Variants in FRMPD4 observed in about 807,000 individuals in gnomAD.
The protein encoded by FRMPD4 is FERM and PDZ domain containing 4.
A neutral mutation model predicts 94.1 loss-of-function variants in FRMPD4; 22 were observed. The observed-to-expected ratio is 0.23, with a 90% confidence interval of 0.17 to 0.33. The LOEUF (loss-of-function observed/expected upper bound fraction) is 0.33, where lower values mean the gene tolerates loss of function less well. FRMPD4 is among the 10% of genes least tolerant of loss of function. The pLI, the probability that FRMPD4 is intolerant of heterozygous loss-of-function variation, is 1.00. For missense variants in FRMPD4, 1,111 were observed against 1,339.9 expected (o/e 0.83, Z 2.67); for synonymous variants, 631 against 548.6 (o/e 1.15, Z -2.10).
intron 3 of FRMPD4, among the ~76,000 whole-genome samples, chrX:11,929,856 C>T (rs1414326734): frequency 2.7e-5 from 3 of 110,087 alleles, no homozygotes; most frequent in Non-Finnish European, 1.9e-5. Context: ...ACCTGTAATC[C>T]CAACAGTTTG....
intron 2 of FRMPD4, among the ~76,000 whole-genome samples, chrX:12,520,602 C>CT (rs1357444893): frequency 3.6e-5 from 4 of 111,827 alleles, no homozygotes; most frequent in Non-Finnish European, 7.5e-5. Context: ...CATCAGGACT[C>CT]TGTTTCATCC....
chrX:12,135,760 A>C (rs779670417), upstream of FRMPD4, among the ~76,000 whole-genome samples: 4 of 111,338 alleles, frequency 3.6e-5, no homozygotes, highest in Non-Finnish European at 7.5e-5. Context: ...GAATAATTAG[A>C]TATTTGGTAT....
At chrX:12,058,105 T>C (rs751956479) in intron 3 of FRMPD4, among the ~76,000 whole-genome samples, 2 of 111,647 alleles carry the variant, frequency 1.8e-5, no homozygotes, top group Non-Finnish European at 3.8e-5. Context: ...TTGCAGAACA[T>C]GTAGTGGCCC....
intron 1 of FRMPD4, among the ~76,000 whole-genome samples, chrX:12,434,362 T>C (rs2057041379): frequency 8.9e-6 from 1 of 111,783 alleles, no homozygotes. Context: ...TCTCCACCTA[T>C]AAAGATTTTT....
At chrX:12,188,483 C>T (rs1371459872) in intron 1 of FRMPD4, among the ~76,000 whole-genome samples, 1 of 112,062 alleles carries the variant, frequency 8.9e-6, no homozygotes, top group Non-Finnish European at 1.9e-5. Flanking sequence ...GTCTAAAGAA[C>T]ATCTTGTCAG....
intron 1 of FRMPD4, among the ~76,000 whole-genome samples, chrX:12,190,793 A>G (rs774479857): frequency 9.0e-6 from 1 of 111,139 alleles, no homozygotes; most frequent in East Asian, 2.8e-4. Context: ...AAAAAGTTAT[A>G]AAACTCTTAG....
At chrX:12,217,033 T>G (rs1256311162) in intron 1 of FRMPD4, among the ~76,000 whole-genome samples, 1 of 112,032 alleles carries the variant, frequency 8.9e-6, no homozygotes, top group Non-Finnish European at 1.9e-5. Flanking sequence ...GGCACCTGGG[T>G]CAATGTGAAA....
intron 1 of FRMPD4, among the ~76,000 whole-genome samples, chrX:11,832,542 CAG>C (rs1042936517): frequency 2.7e-5 from 3 of 111,625 alleles, no homozygotes; most frequent in Non-Finnish European, 5.7e-5. Context: ...TGATATCAAA[CAG>C]AGCATAGAAA....
At chrX:12,181,580 C>T (rs919640423) in intron 1 of FRMPD4, among the ~76,000 whole-genome samples, 2 of 111,842 alleles carry the variant, frequency 1.8e-5, no homozygotes, top group African/African-American at 6.5e-5. Flanking sequence ...TGAAAGGTTC[C>T]AGGATAGGTC....
chrX:12,426,698 C>G (rs2056948409), intron 1 of FRMPD4, among the ~76,000 whole-genome samples: 1 of 111,146 alleles, frequency 9.0e-6, no homozygotes, highest in Non-Finnish European at 1.9e-5. Flanking sequence ...CTGATCTGCC[C>G]TTCCATAATC....
At chrX:12,539,237 A>C (rs146368137) in intron 2 of FRMPD4, among the ~76,000 whole-genome samples, 2,215 of 111,981 alleles carry the variant, frequency 0.02, 26 homozygotes, top group Non-Finnish European at 0.03. Flanking sequence ...AGTTTAGAGA[A>C]AAAAACAGTA....
intron 1 of FRMPD4, among the ~76,000 whole-genome samples, chrX:12,143,058 T>A (rs939194600): frequency 8.9e-6 from 1 of 112,444 alleles, no homozygotes; most frequent in Non-Finnish European, 1.9e-5. Flanking sequence ...TAGAAATGTA[T>A]CTTTAAGGAA....
chrX:12,702,096 G>T (rs1280772305), intron 10 of FRMPD4, 86 bp downstream of exon 10: 1 of 955,003 alleles, frequency 1.0e-6, no homozygotes, highest in African/African-American at 1.9e-5. Flanking sequence ...GTCCAAAATT[G>T]ATCTTGTTTG....
At chrX:11,917,971 T>A (rs1273814717) in intron 3 of FRMPD4, among the ~76,000 whole-genome samples, 1 of 111,747 alleles carries the variant, frequency 8.9e-6, no homozygotes, top group Non-Finnish European at 1.9e-5. Flanking sequence ...ACTGCCCTAT[T>A]GTCACAATGA....
At chrX:12,202,743 T>G (rs1420365973) in intron 1 of FRMPD4, among the ~76,000 whole-genome samples, 1 of 112,036 alleles carries the variant, frequency 8.9e-6, no homozygotes, top group Non-Finnish European at 1.9e-5. Context: ...AGACCCTAAA[T>G]CGATGTCTGG....
chrX:12,152,188 C>G (rs1195630153), intron 1 of FRMPD4, among the ~76,000 whole-genome samples: 1 of 111,646 alleles, frequency 9.0e-6, no homozygotes, highest in Non-Finnish European at 1.9e-5. Flanking sequence ...GAAAATTATG[C>G]AATATTCCCT....
At chrX:12,347,739 T>G (rs901428424) in intron 1 of FRMPD4, among the ~76,000 whole-genome samples, 2 of 111,861 alleles carry the variant, frequency 1.8e-5, no homozygotes, top group Non-Finnish European at 3.8e-5. Context: ...TAAGGTAGTA[T>G]CAGTTCATTT....
intron 3 of FRMPD4, among the ~76,000 whole-genome samples, chrX:11,894,096 G>C (rs2053889708): frequency 9.0e-6 from 1 of 111,723 alleles, no homozygotes; most frequent in Admixed American, 9.5e-5. Context: ...TTGTACCCCT[G>C]AGCCTGCAGC....
At chrX:12,079,256 T>C (rs2055043914) in intron 3 of FRMPD4, among the ~76,000 whole-genome samples, 2 of 110,834 alleles carry the variant, frequency 1.8e-5, no homozygotes, top group South Asian at 7.8e-4. Context: ...TTTATTTGAT[T>C]TGAAAAGTTC....
Sources: allele counts gnomAD v4.1 joint callset (sites outside exome capture counted in the v4.1 genomes callset), GRCh38; gene constraint gnomAD v4.1.1; transcripts MANE v1.5; gene names NCBI Gene and HGNC (gene_info 2026-07-23, HGNC 2026-07-21).